Variants in FOXP1 observed in about 807,000 individuals in gnomAD.
FOXP1 encodes the protein forkhead box P1.
A neutral mutation model predicts 98.2 loss-of-function variants in FOXP1; 15 were observed. The observed-to-expected ratio is 0.15, with a 90% CI of 0.10 to 0.24. The LOEUF (loss-of-function observed/expected upper bound fraction) is 0.24, where lower values mean the gene tolerates loss of function less well. Ranked by LOEUF, FOXP1 falls within the 10% of genes least tolerant of loss-of-function variation. FOXP1 has a pLI of 1.00. For missense variants in FOXP1, 633 were observed against 848.5 expected (o/e 0.75, Z 3.15); for synonymous variants, 371 against 314.5 (o/e 1.18, Z -1.90).
At chr3:71,306,148 C>T (rs1023799899) in intron 4 of FOXP1, 5 of 152,194 alleles carry the variant, frequency 3.3e-5, no homozygotes, top group East Asian at 1.9e-4. Context: ...CTCAATCAGA[C>T]GCCCGCTGTG....
At chr3:70,965,417 G>A (rs2034538992) in intron 20 of FOXP1, among the ~76,000 whole-genome samples, 1 of 152,150 alleles carries the variant, frequency 6.6e-6, no homozygotes, top group African/African-American at 2.4e-5. Flanking sequence ...TATAAATCAT[G>A]CCGCCTTTCA....
intron 2 of FOXP1, among the ~76,000 whole-genome samples, chr3:71,555,016 C>G (rs151035902): frequency 6.6e-6 from 1 of 152,098 alleles, no homozygotes; most frequent in Non-Finnish European, 1.5e-5. Context: ...AGTAAACAAG[C>G]TCAGTTATTT....
chr3:71,475,983 A>G (rs918468308), intron 3 of FOXP1, among the ~76,000 whole-genome samples: 1 of 152,116 alleles, frequency 6.6e-6, no homozygotes, highest in African/African-American at 2.4e-5. Context: ...TACCACGTCA[A>G]TGGGGTGCTA....
At chr3:71,305,337 C>T (rs1051249538) in intron 4 of FOXP1, among the ~76,000 whole-genome samples, 7 of 152,192 alleles carry the variant, frequency 4.6e-5, no homozygotes, top group African/African-American at 1.4e-4. Context: ...ATTTTCCCCC[C>T]AGCAAGATCA....
intron 6 of FOXP1, among the ~76,000 whole-genome samples, chr3:71,156,098 TGA>T (rs900386123): frequency 3.3e-5 from 5 of 152,048 alleles, no homozygotes; most frequent in Admixed American, 2.6e-4. Context: ...AACACTTAAT[TGA>T]GAGAGAAATC....
chr3:71,130,437 G>A (rs2107915584), intron 6 of FOXP1: 1 of 1,524,226 alleles, frequency 6.6e-7, no homozygotes, highest in South Asian at 1.1e-5. Flanking sequence ...GCACAAGAAC[G>A]GATCCCTAGT....
chr3:71,288,657 T>A (rs2072427059), intron 5 of FOXP1, among the ~76,000 whole-genome samples: 1 of 152,204 alleles, frequency 6.6e-6, no homozygotes, highest in African/African-American at 2.4e-5. Context: ...AACCATCAGA[T>A]TAGAGAACGG....
At chr3:71,038,492 A>G (rs1421710851) in intron 11 of FOXP1, among the ~76,000 whole-genome samples, 1 of 152,200 alleles carries the variant, frequency 6.6e-6, no homozygotes, top group Non-Finnish European at 1.5e-5. Context: ...GACTCCTGAG[A>G]CAACTGGCAC....
chr3:71,390,790 T>A (rs556051827), intron 3 of FOXP1, among the ~76,000 whole-genome samples: 1 of 152,330 alleles, frequency 6.6e-6, no homozygotes, highest in African/African-American at 2.4e-5. Context: ...CCTTTGTGCA[T>A]GCTGCTTTGA....
chr3:71,480,121 G>A (rs531877582), intron 3 of FOXP1, among the ~76,000 whole-genome samples: 1 of 152,296 alleles, frequency 6.6e-6, no homozygotes, highest in South Asian at 2.1e-4. Flanking sequence ...GGTTGACCCC[G>A]GGAGGCAGAG....
chr3:71,579,632 CTT>C (rs35646548), intron 2 of FOXP1, among the ~76,000 whole-genome samples: 5 of 122,958 alleles, frequency 4.1e-5, no homozygotes, highest in Non-Finnish European at 3.3e-5. Flanking sequence ...TTTCTTTTTT[CTT>C]TTTTTTTTTT....
At chr3:71,240,049 G>A (rs1051627305) in intron 5 of FOXP1, among the ~76,000 whole-genome samples, 9 of 152,208 alleles carry the variant, frequency 5.9e-5, no homozygotes, top group Non-Finnish European at 1.0e-4. Flanking sequence ...GGAAGTACAA[G>A]ACTTTCACAG....
At chr3:71,576,506 C>T (rs2047730618) in intron 2 of FOXP1, among the ~76,000 whole-genome samples, 1 of 152,094 alleles carries the variant, frequency 6.6e-6, no homozygotes, top group African/African-American at 2.4e-5. Flanking sequence ...GTACTTCTGT[C>T]TTTAATTAAA....
At chr3:71,214,991 G>A (rs554872270) in intron 5 of FOXP1, among the ~76,000 whole-genome samples, 7 of 152,186 alleles carry the variant, frequency 4.6e-5, no homozygotes, top group East Asian at 1.9e-4. Context: ...GTGGACAGCC[G>A]CAAAGGCATC....
chr3:71,162,094 C>T (rs547834894), intron 6 of FOXP1, among the ~76,000 whole-genome samples: 10 of 152,284 alleles, frequency 6.6e-5, no homozygotes, highest in Non-Finnish European at 1.3e-4. Context: ...ACAGGCCAAT[C>T]GAAGTAGACA....
At chr3:71,445,017 G>A (rs769041060) in intron 3 of FOXP1, among the ~76,000 whole-genome samples, 2 of 152,178 alleles carry the variant, frequency 1.3e-5, no homozygotes, top group Non-Finnish European at 2.9e-5. Flanking sequence ...AGATGTGCAA[G>A]GGAGATCTTT....
chr3:71,160,714 C>T (rs1235444004), intron 6 of FOXP1, among the ~76,000 whole-genome samples: 3 of 152,226 alleles, frequency 2.0e-5, no homozygotes, highest in Non-Finnish European at 4.4e-5. Context: ...GATAAATCAA[C>T]AATTCCATGA....
chr3:71,351,735 C>G (rs967390723), intron 4 of FOXP1, among the ~76,000 whole-genome samples: 1 of 152,130 alleles, frequency 6.6e-6, no homozygotes, highest in Non-Finnish European at 1.5e-5. Context: ...GGAGGGAGAC[C>G]CTCTCACTTT....
chr3:71,137,342 C>T (rs549242686), intron 6 of FOXP1, among the ~76,000 whole-genome samples: 38 of 152,230 alleles, frequency 2.5e-4, no homozygotes, highest in Middle Eastern at 6.8e-3. Flanking sequence ...AGCAAAACAT[C>T]CTCGCCAGCC....
Sources: allele counts gnomAD v4.1 joint callset (sites outside exome capture counted in the v4.1 genomes callset), GRCh38; gene constraint gnomAD v4.1.1; transcripts MANE v1.5; gene names NCBI Gene and HGNC (gene_info 2026-07-23, HGNC 2026-07-21).